IQCM: variants seen among roughly 807,000 people sequenced by gnomAD.
The protein encoded by IQCM is IQ motif containing M.
A neutral mutation model predicts 57.6 loss-of-function variants in IQCM; 45 were observed. The ratio of observed to expected loss-of-function variants is 0.78; its 90% CI spans 0.62 to 1.00. The LOEUF (loss-of-function observed/expected upper bound fraction) is 1.00. Ranked by LOEUF, IQCM falls within the 50% of genes least tolerant of loss-of-function variation. The pLI is 0.00. For missense variants in IQCM, 468 were observed against 511.6 expected, an observed-to-expected ratio of 0.91 and a Z score of 0.82; for synonymous variants, 148 against 158.9, an observed-to-expected ratio of 0.93 and a Z score of 0.51.
At chr4:149,671,475 C>T (rs1761280591) in intron 7 of IQCM, among the ~76,000 whole-genome samples, 2 of 152,226 alleles carry the variant, frequency 1.3e-5, no homozygotes, top group African/African-American at 4.8e-5. Context: ...GTCTCTATTT[C>T]CTTCAGTTCT....
intron 2 of IQCM, among the ~76,000 whole-genome samples, chr4:149,756,505 C>T (rs1159191234): frequency 6.6e-6 from 1 of 151,980 alleles, no homozygotes; most frequent in African/African-American, 2.4e-5. Flanking sequence ...ACATATAGAT[C>T]CTCAAAAGTG....
At chr4:149,739,939 G>T (rs1468434898) in intron 3 of IQCM, among the ~76,000 whole-genome samples, 1 of 152,146 alleles carries the variant, frequency 6.6e-6, no homozygotes, top group African/African-American at 2.4e-5. Flanking sequence ...AGTTGCTCCA[G>T]TGAGCCTCTG....
intron 13 of IQCM, among the ~76,000 whole-genome samples, chr4:149,427,479 C>T (rs188084670): frequency 6.6e-6 from 1 of 151,878 alleles, no homozygotes; most frequent in African/African-American, 2.4e-5. Context: ...TGAAGTTGGG[C>T]TTGGGAGGTA....
chr4:149,488,006 G>T (rs1741704336), intron 12 of IQCM, among the ~76,000 whole-genome samples: 1 of 152,088 alleles, frequency 6.6e-6, no homozygotes, highest in Non-Finnish European at 1.5e-5. Context: ...GATGAATGGT[G>T]TAGGCTTCTA....
intron 9 of IQCM, among the ~76,000 whole-genome samples, chr4:149,564,270 T>A (rs1750402412): frequency 1.3e-5 from 2 of 152,242 alleles, no homozygotes; most frequent in Admixed American, 1.3e-4. Flanking sequence ...TATTTGGCAC[T>A]GATATGCTGT....
chr4:149,769,886 T>C (rs1434519379), intron 2 of IQCM, among the ~76,000 whole-genome samples: 1 of 151,928 alleles, frequency 6.6e-6, no homozygotes, highest in African/African-American at 2.4e-5. Context: ...AATAGATAAT[T>C]GGCAACAATG....
chr4:149,802,150 A>C (rs1408021550), intron 2 of IQCM, among the ~76,000 whole-genome samples: 8 of 151,892 alleles, frequency 5.3e-5, no homozygotes, highest in Admixed American at 4.6e-4. Context: ...TGTAAAAGTC[A>C]TGTTTCCCAA....
chr4:149,434,192 A>G (rs1397001031), intron 12 of IQCM, among the ~76,000 whole-genome samples: 2 of 152,128 alleles, frequency 1.3e-5, no homozygotes, highest in Non-Finnish European at 2.9e-5. Flanking sequence ...AAGTTAAATA[A>G]CTTGCCTAAA....
intron 5 of IQCM, among the ~76,000 whole-genome samples, chr4:149,716,333 C>G (rs1764993980): frequency 6.6e-6 from 1 of 152,224 alleles, no homozygotes; most frequent in South Asian, 2.1e-4. Flanking sequence ...TGGGTCGTGA[C>G]AGTGCCGGGG....
At chr4:149,785,762 C>A (rs1772023523) in intron 2 of IQCM, among the ~76,000 whole-genome samples, 1 of 151,272 alleles carries the variant, frequency 6.6e-6, no homozygotes, top group Non-Finnish European at 1.5e-5. Flanking sequence ...CTTTGCAGAC[C>A]ACATACAATC....
At chr4:149,414,948 G>T (rs1733639484) in intron 13 of IQCM, among the ~76,000 whole-genome samples, 1 of 151,984 alleles carries the variant, frequency 6.6e-6, no homozygotes, top group Non-Finnish European at 1.5e-5. Flanking sequence ...AAAATACTTT[G>T]CATCAAATAT....
intron 12 of IQCM, among the ~76,000 whole-genome samples, chr4:149,452,968 C>A (rs1737290345): frequency 6.7e-6 from 1 of 150,048 alleles, no homozygotes; most frequent in African/African-American, 2.4e-5. Context: ...TGCAATATAC[C>A]CACGTAACAA....
At chr4:149,499,742 G>T (rs1743045224) in intron 12 of IQCM, among the ~76,000 whole-genome samples, 2 of 152,070 alleles carry the variant, frequency 1.3e-5, no homozygotes, top group Admixed American at 1.3e-4. Flanking sequence ...TAAAGTGGTG[G>T]CCTGGAAATA....
intron 12 of IQCM, among the ~76,000 whole-genome samples, chr4:149,523,420 T>C (rs868591468): frequency 2.6e-5 from 4 of 152,072 alleles, no homozygotes; most frequent in Non-Finnish European, 5.9e-5. Flanking sequence ...GAGAAAGGAA[T>C]ACAACCAAAC....
At chr4:149,670,536 G>A (rs1460616111) in intron 7 of IQCM, among the ~76,000 whole-genome samples, 1 of 152,136 alleles carries the variant, frequency 6.6e-6, no homozygotes, top group Admixed American at 6.5e-5. Context: ...TGGTGAGAGA[G>A]GGCATCCTGT....
chr4:149,499,021 A>C (rs1172997905), intron 12 of IQCM, among the ~76,000 whole-genome samples: 2 of 152,188 alleles, frequency 1.3e-5, no homozygotes, highest in African/African-American at 2.4e-5. Context: ...CCAAGTTCAA[A>C]TTGTTCAATA....
At chr4:149,484,049 T>A (rs1741199189) in intron 12 of IQCM, among the ~76,000 whole-genome samples, 1 of 152,044 alleles carries the variant, frequency 6.6e-6, no homozygotes, top group South Asian at 2.1e-4. Context: ...CTTACAGTTT[T>A]TGTCTTGAAA....
Position 149,797,289 on chromosome 4 carries a change from C to A in IQCM, c.-49+18022G>T, listed in dbSNP as rs372594434. 2.0e-4 allele frequency among the ~76,000 whole-genome samples: 30 copies of A among 151,996 alleles called. No homozygotes were observed. In the East Asian group the frequency reaches 3.9e-3, roughly 20 times the overall value. On this transcript the variant is annotated intron_variant, in intron 2 of 13. Transcript: ENST00000636793. Reference sequence around the variant, plus strand: ...GGCATTTGGCATAATGAAGACTGCACCAGAGTTCTTTAGTAGCAGAACTGA... The same window carrying A: ...GGCATTTGGCATAATGAAGACTGCAACAGAGTTCTTTAGTAGCAGAACTGA...
intron 7 of IQCM, among the ~76,000 whole-genome samples, chr4:149,626,354 T>C (rs570987953): frequency 1.3e-3 from 180 of 140,754 alleles, no homozygotes; most frequent in African/African-American, 4.5e-3. Context: ...GTGGGACCTT[T>C]GTGGGATCTT....
Sources: gnomAD v4.1 joint callset for allele counts (sites outside exome capture counted in the v4.1 genomes callset) on GRCh38, gnomAD v4.1.1 for gene constraint, MANE v1.5 for transcripts, NCBI Gene and HGNC (gene_info 2026-07-23, HGNC 2026-07-21) for gene names.